LDB1: variants seen among roughly 807,000 people sequenced by gnomAD.
The protein encoded by LDB1 is LIM domain binding 1, also known as LIM domain-binding protein 1.
In LDB1, 6 loss-of-function variants were observed where a neutral mutation model predicts 49.7. The observed-to-expected ratio is 0.12, with a 90% confidence interval of 0.07 to 0.24. The LOEUF is 0.24. Among genes scored for constraint, LDB1 ranks in the 10% least tolerant of loss-of-function variants. LDB1 has a pLI of 1.00. For synonymous variants in LDB1, 233 were observed against 202.0 expected, an observed-to-expected ratio of 1.15 and a Z score of -1.30; for missense variants, 341 against 561.7, an observed-to-expected ratio of 0.61 and a Z score of 3.97.
At chr10:102,114,812 G>GGGGC in intron 1 of LDB1, 116 of 929,572 alleles carry the variant, frequency 1.2e-4, no homozygotes, top group Non-Finnish European at 1.4e-4. Flanking sequence ...CCTCCGAGCA[G>GGGGC]CCCGCCCGCC....
Position 102,107,498 on chromosome 10 carries a change from T to C in LDB1, c.*595A>G, listed in dbSNP as rs2068179679. 6.6e-6 allele frequency: 1 copy of C among 152,660 alleles called. No individual in the cohort carries two copies. The highest frequency in any genetic ancestry group is 2.4e-5 in the African/African-American group (1 of 41,382). 9.5% of individuals were successfully genotyped at this position (152,660 alleles called of 1,614,324 possible). ...CCCCCACCTAGGCCCTAGGCCCCCA[T>C]CTGCCAAGAGTAGGGAGGTAGCTGG... On this transcript the variant is annotated 3_prime_UTR_variant, in exon 11 of 11. Coordinates refer to ENST00000673968, the MANE Select transcript of LDB1 (RefSeq NM_001113407.3).
At chr10:102,116,956 T>C (rs2068342583) in intron 1 of LDB1, among the ~76,000 whole-genome samples, 1 of 132,148 alleles carries the variant, frequency 7.6e-6, no homozygotes, top group Non-Finnish European at 1.5e-5. Flanking sequence ...GGGCCAAATA[T>C]CCTAACAGTG....
At position 102,111,548 on chromosome 10, in the gene LDB1, A is replaced by T; in HGVS notation, c.26-12T>A. On this transcript the variant is annotated splice_polypyrimidine_tract_variant and intron_variant, in intron 1 of 10. Transcript: ENST00000673968. ...CTTTGAGGAACAACCTAGACGAGAA[A>T]GAAAGGAGTCATAGCTGGGCGCGGT... 2.0e-6 allele frequency: 3 copies of T among 1,500,888 alleles called. No individual in the cohort carries two copies. The highest frequency in any genetic ancestry group is 2.7e-6 in the Non-Finnish European group (3 of 1,118,838). 93.0% of individuals were successfully genotyped at this position (1,500,888 alleles called of 1,614,324 possible).
Sources: allele counts gnomAD v4.1 joint callset (sites outside exome capture counted in the v4.1 genomes callset), GRCh38; gene constraint gnomAD v4.1.1; transcripts MANE v1.5; gene names NCBI Gene and HGNC (gene_info 2026-07-23, HGNC 2026-07-21).